The following PATJ variants were observed in gnomAD, a reference collection of about 807,000 sequenced individuals.
PATJ encodes the protein inaD-like protein.
Under a neutral mutation model 224.9 loss-of-function variants are expected in PATJ, and 190 were observed. That is an observed-to-expected ratio of 0.84 (90% CI 0.75 to 0.95). PATJ has a LOEUF of 0.95. PATJ is among the 40% of genes least tolerant of loss of function. The pLI is 0.00. For synonymous variants in PATJ, 769 were observed against 820.3 expected (o/e 0.94, Z 1.07); for missense variants, 2,121 against 2,270.3 (o/e 0.93, Z 1.34).
At chr1:62,106,657 T>C (rs1036351323) in intron 33 of PATJ, among the ~76,000 whole-genome samples, 12 of 152,284 alleles carry the variant, frequency 7.9e-5, no homozygotes, top group African/African-American at 2.6e-4. Context: ...TCAGCCATTT[T>C]GGTGGCTCGT....
intron 27 of PATJ, among the ~76,000 whole-genome samples, chr1:61,959,927 G>C (rs141456803): frequency 1.7e-3 from 263 of 152,226 alleles, no homozygotes; most frequent in African/African-American, 6.1e-3. Flanking sequence ...GGAGGCTGAC[G>C]CAGGAAGATC....
intron 25 of PATJ, among the ~76,000 whole-genome samples, chr1:61,912,282 G>A (rs1353480121): frequency 2.6e-5 from 4 of 152,062 alleles, no homozygotes; most frequent in Non-Finnish European, 5.9e-5. Context: ...ATGTACAGAA[G>A]AACATTTCTC....
At chr1:62,116,792 A>C in intron 36 of PATJ, 113 bp downstream of exon 36, 3 of 990,224 alleles carry the variant, frequency 3.0e-6, no homozygotes, top group Non-Finnish European at 4.3e-6. Context: ...TCTAGTTTTT[A>C]CTAGAAATTT....
chr1:62,062,392 CTTTTTTTTTTTTTTT>C (rs60747316), intron 31 of PATJ, among the ~76,000 whole-genome samples: 8 of 28,458 alleles, frequency 2.8e-4, no homozygotes, highest in Admixed American at 1.1e-3. Context: ...ATGTTGTCTT[CTTTTTTTTTTTTTTT>C]TTTTTTTTTT....
In PATJ at chr1:62,102,690, A is replaced by T. The variant is rs192436855; in HGVS notation, c.4378-5747A>T. ...CAACAAGGCAAAACCCTGTCTCTACAAAAAATACCGAAAAAGCACAATTAG... is the reference window on the plus strand; with the variant it reads ...CAACAAGGCAAAACCCTGTCTCTACTAAAAATACCGAAAAAGCACAATTAG... On this transcript the variant is annotated intron_variant, in intron 33 of 43. Transcript: ENST00000642238. 2.6e-5 allele frequency among the ~76,000 whole-genome samples: 4 copies of T among 151,836 alleles called. No homozygotes were observed. In the East Asian group the frequency reaches 7.8e-4, roughly 29 times the overall value.
intron 7 of PATJ, among the ~76,000 whole-genome samples, chr1:61,777,155 C>T (rs1030150528): frequency 1.3e-5 from 2 of 152,130 alleles, no homozygotes; most frequent in Non-Finnish European, 2.9e-5. Flanking sequence ...CCTGTTATTT[C>T]AAGGAAAACA....
At position 62,017,907 on chromosome 1, in the gene PATJ, A is replaced by G. The variant is rs904455100; in HGVS notation, c.3919A>G (p.Ile1307Val). 1.2e-6 allele frequency: 2 copies of G among 1,612,870 alleles called. No individual in the cohort carries two copies. Among genetic ancestry groups the G allele is most frequent in the Non-Finnish European group, 1.7e-6 (2 of 1,178,930 alleles). The stretch of plus-strand genomic sequence containing the variant: ...AAGTCACCAAAATGCATCTGCCATT[A>G]TTAAGACTGCCCCATCAAAGGTCAA... ...GRSHQNASAI[I>V]KTAPSKVKLV... Residue 1307 changes from isoleucine (I) to valine (V), a missense_variant, in exon 29 of 44, where the codon ATT (isoleucine) becomes GTT (valine). Transcript: ENST00000642238.
chr1:62,114,269 G>A (rs753492267), intron 35 of PATJ, 23 bp downstream of exon 35: 3 of 1,607,838 alleles, frequency 1.9e-6, no homozygotes, highest in Non-Finnish European at 2.6e-6. Flanking sequence ...TGTGGGAGTT[G>A]GGATCTGCCT....
chr1:61,742,681 C>G (rs971866331), intron 1 of PATJ, 126 bp downstream of exon 1: 1 of 151,674 alleles, frequency 6.6e-6, no homozygotes, highest in Non-Finnish European at 1.5e-5. Context: ...GCGCTCTCCC[C>G]GCCCGCCCGC....
intron 11 of PATJ, among the ~76,000 whole-genome samples, chr1:61,799,300 C>A (rs1651985138): frequency 6.6e-6 from 1 of 152,158 alleles, no homozygotes; most frequent in Non-Finnish European, 1.5e-5. Context: ...TCAAGTGATT[C>A]TCCTGCCTCA....
chr1:62,010,646 G>A (rs1370171222), intron 28 of PATJ, among the ~76,000 whole-genome samples: 1 of 151,926 alleles, frequency 6.6e-6, no homozygotes, highest in East Asian at 1.9e-4. Flanking sequence ...TTATTCCATT[G>A]TGTATATATA....
rs760663998 is a variant in PATJ, at chr1:62,161,237, A to G, written c.*183A>G. On this transcript the variant is annotated 3_prime_UTR_variant, in exon 44 of 44. Coordinates refer to ENST00000642238, the MANE Select transcript of PATJ (RefSeq NM_001350145.3). ...TTTCCCAAATCAACAATCATCTCCTAATGTTTCCCAGTTCCTGTCACCTGT... is the reference window on the plus strand; with the variant it reads ...TTTCCCAAATCAACAATCATCTCCTGATGTTTCCCAGTTCCTGTCACCTGT... 8.9e-5 allele frequency: 38 copies of G among 428,558 alleles called. No homozygotes were observed. Among genetic ancestry groups the G allele is most frequent in the Non-Finnish European group, 1.5e-4 (37 of 250,938 alleles). The allele number at this position is 428,558 out of a possible 1,614,324, so 26.5% of individuals were successfully genotyped here. A position where few individuals can be genotyped will look rare whatever the true frequency, so the allele number is the denominator to read the frequency against.
intron 35 of PATJ, chr1:62,114,559 C>T: frequency 4.4e-6 from 1 of 228,208 alleles, no homozygotes; most frequent in Non-Finnish European, 8.3e-6. Flanking sequence ...AGCAACCATA[C>T]CCAAGAAATA....
intron 41 of PATJ, among the ~76,000 whole-genome samples, chr1:62,144,777 A>T (rs868318773): frequency 0.12 from 13,895 of 115,292 alleles, 1,755 homozygotes; most frequent in East Asian, 0.48. Flanking sequence ...AAAAAAAAAA[A>T]ATATATATAT....
intron 27 of PATJ, among the ~76,000 whole-genome samples, chr1:61,939,930 T>G (rs1000080579): frequency 5.9e-5 from 9 of 151,984 alleles, no homozygotes; most frequent in Non-Finnish European, 1.2e-4. Context: ...CGCCTCGGCC[T>G]TCCAAAGTGC....
At chr1:62,014,031 C>T (rs1024760978) in intron 28 of PATJ, among the ~76,000 whole-genome samples, 1 of 152,176 alleles carries the variant, frequency 6.6e-6, no homozygotes, top group Non-Finnish European at 1.5e-5. Flanking sequence ...ACCTCGGCCT[C>T]CCAAAGTACT....
Position 61,778,004 on chromosome 1 carries a change from G to A in PATJ, c.849+2670G>A, listed in dbSNP as rs138419607. On this transcript the variant is annotated intron_variant, in intron 7 of 43. Transcript: ENST00000642238. ...AAGTGATCCCCCCACCTCAGCTTCT[G>A]GGGGAGCTGAGACTACAGACCCAGG... 4.5e-3 allele frequency among the ~76,000 whole-genome samples: 686 copies of A among 151,966 alleles called. 4 individuals carry two copies. The highest frequency in any genetic ancestry group is 0.015 in the African/African-American group (642 of 41,440).
rs535083439 is a variant in PATJ, at chr1:61,920,224, T to C, written c.3570+5560T>C. Reference sequence around the variant, plus strand: ...AGTGTTTAGTAATACCTTAAACATCTGTTTCACCCACTGATACGGTTTGGC... The same window carrying C: ...AGTGTTTAGTAATACCTTAAACATCCGTTTCACCCACTGATACGGTTTGGC... On this transcript the variant is annotated intron_variant, in intron 26 of 43. Coordinates refer to ENST00000642238, the MANE Select transcript of PATJ (RefSeq NM_001350145.3). 2.0e-5 allele frequency among the ~76,000 whole-genome samples: 3 copies of C among 152,344 alleles called. No individual in the cohort carries two copies. The South Asian group carries it at 6.2e-4, about 32-fold the overall frequency.
intron 21 of PATJ, among the ~76,000 whole-genome samples, chr1:61,881,407 ATTTTT>A (rs34051620): frequency 2.7e-5 from 3 of 110,092 alleles, no homozygotes; most frequent in Non-Finnish European, 3.9e-5. Flanking sequence ...TAAAACAGTT[ATTTTT>A]TTTTTTTTTT....
Sources: gnomAD v4.1 joint callset for allele counts (sites outside exome capture counted in the v4.1 genomes callset) on GRCh38, gnomAD v4.1.1 for gene constraint, MANE v1.5 for transcripts, NCBI Gene and HGNC (gene_info 2026-07-23, HGNC 2026-07-21) for gene names.